The following CACNA1A variants were observed in gnomAD, a reference collection of about 807,000 sequenced individuals.
The protein encoded by CACNA1A is voltage-dependent P/Q-type calcium channel subunit alpha-1A.
CACNA1A carries 57 observed loss-of-function variants against 262.4 expected under a neutral mutation model. The observed-to-expected ratio is 0.22, with a 90% CI of 0.18 to 0.27. The LOEUF is 0.27. Ranked by LOEUF, CACNA1A falls within the 10% of genes least tolerant of loss-of-function variation. The pLI, the probability that CACNA1A is intolerant of heterozygous loss-of-function variation, is 1.00. For synonymous variants in CACNA1A, 1,431 were observed against 1,419.3 expected (o/e 1.01, Z -0.18); for missense variants, 2,526 against 3,562.8 (o/e 0.71, Z 7.41).
chr19:13,283,285 G>A lies in CACNA1A; in HGVS notation c.3804C>T (p.Pro1268=). 2 of 1,613,972 alleles carry A rather than the reference G, an allele frequency of 1.2e-6. No homozygotes were observed. Among genetic ancestry groups the A allele is most frequent in the Non-Finnish European group, 8.5e-7 (1 of 1,179,874 alleles). Residue 1268 remains proline (P), a synonymous_variant, in exon 22 of 47, where the codon CCC becomes CCT. Coordinates refer to ENST00000360228, the MANE Select transcript of CACNA1A (RefSeq NM_001127222.2). The stretch of plus-strand genomic sequence containing the variant: ...GACTCACGTTGTTCCGAGGTGCGTT[G>A]GGCTGCACAGGGTCCTCGGCGGCCA... The part of the protein sequence containing the change: ...IALAAEDPVQ[P]NAPRNNVLRY...
At position 13,487,068 on chromosome 19, in the gene CACNA1A, C is replaced by T. The variant is rs559019573; in HGVS notation, c.293+18864G>A. The stretch of plus-strand genomic sequence containing the variant: ...CAGTGGCACGGACGCCTGCCCAGGG[C>T]GCCTCATCCCAGCTCCAGCATGGAC... On this transcript the variant is annotated intron_variant, in intron 1 of 46. Coordinates refer to ENST00000360228, the MANE Select transcript of CACNA1A (RefSeq NM_001127222.2). Among the ~76,000 whole-genome samples, 8 of 152,310 alleles carry T rather than the reference C, an allele frequency of 5.3e-5. No homozygotes were observed. In the East Asian group the frequency reaches 1.5e-3, roughly 29 times the overall value.
Position 13,286,874 on chromosome 19 carries a change from AGGGGT to A in CACNA1A, c.3177_3181del (p.Pro1060GlyfsTer5). The A allele has an allele frequency of 6.2e-7, 1 of 1,613,590 alleles. No individual in the cohort carries two copies. Among genetic ancestry groups the A allele is most frequent in the Non-Finnish European group, 8.5e-7 (1 of 1,179,854 alleles). On this transcript the variant is annotated frameshift_variant, in exon 20 of 47. Coordinates refer to ENST00000360228, the MANE Select transcript of CACNA1A (RefSeq NM_001127222.2). LOFTEE classifies it high-confidence loss of function. ...CTTCATGTTGTCAATATCCTCTGCC[AGGGGT>A]GGGTCTTGGCGGCCCAGGTCCTGCT...
intron 10 of CACNA1A, among the ~76,000 whole-genome samples, chr19:13,328,534 A>G (rs1366881025): frequency 1.3e-5 from 2 of 152,212 alleles, no homozygotes; most frequent in Admixed American, 6.5e-5. Context: ...AATGGGTTCC[A>G]TGTTTTTGAA....
At chr19:13,398,027 C>T (rs1426646788) in intron 3 of CACNA1A, among the ~76,000 whole-genome samples, 1 of 151,860 alleles carries the variant, frequency 6.6e-6, no homozygotes, top group Non-Finnish European at 1.5e-5. Context: ...TTTGGGAGGC[C>T]GAGGCAGGTG....
chr19:13,414,330 C>T (rs776124118), intron 3 of CACNA1A, among the ~76,000 whole-genome samples: 11 of 152,082 alleles, frequency 7.2e-5, no homozygotes, highest in Admixed American at 4.6e-4. Context: ...CCCAAGAAGT[C>T]GAGGCTGCAG....
chr19:13,209,067 G>C, intron 45 of CACNA1A, 58 bp from the exon 46 acceptor site: 8 of 1,534,786 alleles, frequency 5.2e-6, no homozygotes, highest in African/African-American at 1.4e-5. Flanking sequence ...AGGTGGGGCA[G>C]ATGCACACAC....
chr19:13,372,192 C>T (rs1163395984), intron 3 of CACNA1A, among the ~76,000 whole-genome samples: 1 of 151,928 alleles, frequency 6.6e-6, no homozygotes, highest in Non-Finnish European at 1.5e-5. Context: ...GACAGAGTCT[C>T]ACTCTGTTGC....
Position 13,212,704 on chromosome 19 carries a change from G to T in CACNA1A, c.5977C>A (p.Pro1993Thr). The T allele has an allele frequency of 6.6e-7, 1 of 1,509,598 alleles. No homozygotes were observed. 93.5% of individuals were successfully genotyped at this position (1,509,598 alleles called of 1,614,324 possible). A position where few individuals can be genotyped will look rare whatever the true frequency, so the allele number is the denominator to read the frequency against. Reference sequence around the variant, plus strand: ...GGTCCCCCTTCCTGCGTTGGGGACGGGGGCTCCATGCGCTGGAACATGAGG... The same window carrying T: ...GGTCCCCCTTCCTGCGTTGGGGACGTGGGCTCCATGCGCTGGAACATGAGG... ...TPLMFQRMEP[P>T]SPTQEGGPGQ... The change falls in exon 41 of 47, where the codon CCG (proline) becomes ACG (threonine). Residue 1993 changes from proline (P) to threonine (T), a missense_variant. Coordinates refer to ENST00000360228, the MANE Select transcript of CACNA1A (RefSeq NM_001127222.2). This position sits in a 1 kb window ranked among gnomAD's most constrained non-coding sequence, Gnocchi z 5.6.
At position 13,209,322 on chromosome 19, in the gene CACNA1A, A is replaced by G. The variant is rs2054713773; in HGVS notation, c.6516T>C (p.Asp2172=). 7.1e-7 allele frequency: 1 copy of G among 1,404,582 alleles called. No individual in the cohort carries two copies. Among genetic ancestry groups the G allele is most frequent in the Non-Finnish European group, 9.3e-7 (1 of 1,075,550 alleles). The allele number at this position is 1,404,582 out of a possible 1,614,324, so 87.0% of individuals were successfully genotyped here. Residue 2172 remains aspartate (D), a synonymous_variant, in exon 45 of 47, where the codon GAT becomes GAC. Coordinates refer to ENST00000360228, the MANE Select transcript of CACNA1A (RefSeq NM_001127222.2). ...ASERSLGRYT[D]VDTGLGTDLS... Reference sequence around the variant, plus strand: ...CACAGGGCTGCCCACCTGTGTCCACATCGGTGTAGCGGCCCAGGGAGCGCT... The same window carrying G: ...CACAGGGCTGCCCACCTGTGTCCACGTCGGTGTAGCGGCCCAGGGAGCGCT...
intron 1 of CACNA1A, among the ~76,000 whole-genome samples, chr19:13,485,007 C>A (rs28592203): frequency 6.6e-6 from 1 of 152,172 alleles, no homozygotes; most frequent in African/African-American, 2.4e-5. Flanking sequence ...CTGTCATATC[C>A]GTCACTGTAA....
At chr19:13,246,271 G>A (rs1218973752) in intron 30 of CACNA1A, among the ~76,000 whole-genome samples, 2 of 152,186 alleles carry the variant, frequency 1.3e-5, no homozygotes, top group Non-Finnish European at 2.9e-5. Context: ...GGCCTTTCAG[G>A]CACACGCACT....
intron 1 of CACNA1A, among the ~76,000 whole-genome samples, chr19:13,500,628 G>A (rs1982266118): frequency 6.6e-6 from 1 of 152,126 alleles, no homozygotes; most frequent in African/African-American, 2.4e-5. Flanking sequence ...CAGTTTGAGA[G>A]CCTCTTATAA....
rs759949928 is a variant in CACNA1A at position 13,209,382 on chromosome 19, G to C, written c.6456C>G (p.His2152Gln). 1 of 1,400,688 alleles carries C rather than the reference G, an allele frequency of 7.1e-7. No individual in the cohort carries two copies. Among genetic ancestry groups the C allele is most frequent in the Non-Finnish European group, 9.3e-7 (1 of 1,073,800 alleles). The allele number at this position is 1,400,688 out of a possible 1,614,324, so 86.8% of individuals were successfully genotyped here. ...RVPPEENQRH[H>Q]QRRRDRSHRA... is the part of the protein sequence containing the mutation. ...GGTGGCTGCGGTCGCGGCGCCGCTG[G>C]TGGTGCCGCTGGTTCTCCTCGGGCG... Residue 2152 changes from histidine (H) to glutamine (Q), a missense_variant, in exon 45 of 47, where the codon CAC (histidine) becomes CAG (glutamine). By Grantham distance (24) the His-to-Gln change is conservative. Transcript: ENST00000360228.
chr19:13,243,920 C>T (rs1214545639), intron 31 of CACNA1A: 2 of 152,364 alleles, frequency 1.3e-5, no homozygotes, highest in Non-Finnish European at 2.9e-5. Flanking sequence ...CGACCACACC[C>T]AGATCTATTC....
At chr19:13,257,595 G>A (rs775490008) in intron 27 of CACNA1A, 44 bp from the exon 28 acceptor site, 1 of 1,385,568 alleles carries the variant, frequency 7.2e-7, no homozygotes, top group South Asian at 1.3e-5. Context: ...AGGAAGGAGA[G>A]AGACAGGGAC....
chr19:13,288,793 A>ATAAG (rs1477217937), intron 19 of CACNA1A, among the ~76,000 whole-genome samples: 1 of 152,182 alleles, frequency 6.6e-6, no homozygotes, highest in Non-Finnish European at 1.5e-5. Context: ...AAATAAATAA[A>ATAAG]TAAGTAATAA....
At chr19:13,461,250 G>A (rs1404381564) in intron 1 of CACNA1A, among the ~76,000 whole-genome samples, 1 of 152,178 alleles carries the variant, frequency 6.6e-6, no homozygotes, top group Non-Finnish European at 1.5e-5. Flanking sequence ...TGAGGCAGGA[G>A]AATCACCTGA....
At chr19:13,391,575 G>T (rs529379110) in intron 3 of CACNA1A, among the ~76,000 whole-genome samples, 3 of 152,196 alleles carry the variant, frequency 2.0e-5, no homozygotes, top group East Asian at 3.9e-4. Flanking sequence ...ACAGGAGCTC[G>T]AGAGGGATGA....
At chr19:13,457,022 G>C (rs949564677) in intron 1 of CACNA1A, among the ~76,000 whole-genome samples, 27 of 152,162 alleles carry the variant, frequency 1.8e-4, no homozygotes, top group Non-Finnish European at 1.5e-5. Flanking sequence ...GGCCGAGGTA[G>C]GAGGATTACT....
Sources: gnomAD v4.1 joint callset for allele counts (sites outside exome capture counted in the v4.1 genomes callset) on GRCh38, gnomAD v4.1.1 for gene constraint, Gnocchi (gnomAD v3.1) non-coding constraint, MANE v1.5 for transcripts, NCBI Gene and HGNC (gene_info 2026-07-23, HGNC 2026-07-21) for gene names.